FGF12: variants seen among roughly 807,000 people sequenced by gnomAD.
FGF12 encodes fibroblast growth factor 12B.
In FGF12, 14 loss-of-function variants were observed where a neutral mutation model predicts 23.6. The observed-to-expected ratio is 0.59, with a 90% CI of 0.39 to 0.93. FGF12 has a LOEUF of 0.93. Among genes scored for constraint, FGF12 ranks in the 40% least tolerant of loss-of-function variants. FGF12 has a pLI of 0.00. For synonymous variants in FGF12, 62 were observed against 77.3 expected (o/e 0.80, Z 1.04); for missense variants, 175 against 217.8 (o/e 0.80, Z 1.24).
intron 2 of FGF12, among the ~76,000 whole-genome samples, chr3:192,390,627 T>C (rs1342882727): frequency 1.3e-5 from 2 of 151,090 alleles, no homozygotes; most frequent in African/African-American, 5.0e-5. Context: ...AGCTATGTGA[T>C]GACCATGACC....
At chr3:192,635,114 C>T (rs1715532148) in intron 2 of FGF12, among the ~76,000 whole-genome samples, 1 of 152,186 alleles carries the variant, frequency 6.6e-6, no homozygotes, top group Non-Finnish European at 1.5e-5. Context: ...CCCACCTCGG[C>T]CTCCCAAAGT....
At chr3:192,680,274 A>T (rs1397369282) in intron 2 of FGF12, among the ~76,000 whole-genome samples, 2 of 152,196 alleles carry the variant, frequency 1.3e-5, no homozygotes, top group African/African-American at 4.8e-5. Flanking sequence ...TGATTAGAAG[A>T]TTAATGCCAT....
At position 192,549,048 on chromosome 3, in the gene FGF12, A is replaced by C. The variant is rs535415469; in HGVS notation, c.13+178133T>G. On this transcript the variant is annotated intron_variant, in intron 2 of 5. Transcript: ENST00000445105. ...TAATAGGCATTAAAGTGGATGTAAT[A>C]GTTTATGCTTCCTAAACCATACCAG... 1.3e-5 allele frequency among the ~76,000 whole-genome samples: 2 copies of C among 152,340 alleles called. 1 individual carries two copies. The highest frequency in any genetic ancestry group is 3.9e-4 in the East Asian group (2 of 5,182).
intron 2 of FGF12, among the ~76,000 whole-genome samples, chr3:192,397,643 T>A (rs1720580790): frequency 6.6e-6 from 1 of 152,230 alleles, no homozygotes; most frequent in Non-Finnish European, 1.5e-5. Flanking sequence ...CAGATATGAA[T>A]GAACCTTTTC....
intron 2 of FGF12, among the ~76,000 whole-genome samples, chr3:192,580,010 G>C (rs1041088152): frequency 6.6e-6 from 1 of 152,162 alleles, no homozygotes; most frequent in Non-Finnish European, 1.5e-5. Flanking sequence ...AGAGAGAAAT[G>C]GTGATGACAG....
At chr3:192,242,687 A>G (rs1057310331) in intron 4 of FGF12, among the ~76,000 whole-genome samples, 1 of 152,116 alleles carries the variant, frequency 6.6e-6, no homozygotes, top group African/African-American at 2.4e-5. Flanking sequence ...CAAAGGAGGA[A>G]ACTTGCCAAA....
chr3:192,582,588 C>T (rs960080997), intron 2 of FGF12, among the ~76,000 whole-genome samples: 1 of 151,758 alleles, frequency 6.6e-6, no homozygotes, highest in African/African-American at 2.4e-5. Flanking sequence ...GGGTCAGGAG[C>T]TAAACTGACT....
chr3:192,408,104 C>A lies in FGF12; in HGVS notation c.14-47566G>T. ...ACACCCCGAGGACGTGCCTCTCGCA[C>A]AGGGAGCGCCCGTCTTTGCTGGGGC... On this transcript the variant is annotated intron_variant, in intron 2 of 5. Coordinates refer to ENST00000445105, the MANE Select transcript of FGF12 (RefSeq NM_004113.6). This position sits in a 1 kb window ranked among gnomAD's most constrained non-coding sequence, Gnocchi z 7.3. 1 of 1,613,212 alleles carries A rather than the reference C, an allele frequency of 6.2e-7. No individual in the cohort carries two copies. Among genetic ancestry groups the A allele is most frequent in the African/African-American group, 1.3e-5 (1 of 75,072 alleles).
intron 5 of FGF12, among the ~76,000 whole-genome samples, chr3:192,167,775 T>TATAA (rs1715306399): frequency 3.7e-5 from 1 of 26,752 alleles, no homozygotes; most frequent in Non-Finnish European, 1.1e-4. Flanking sequence ...ATATAAAATT[T>TATAA]TTTTTTTTTT....
At chr3:192,204,141 G>C (rs78470148) in intron 4 of FGF12, among the ~76,000 whole-genome samples, 10,931 of 152,098 alleles carry the variant, frequency 0.072, 553 homozygotes, top group South Asian at 0.19. Flanking sequence ...CAAAAACTGA[G>C]TTGGAAAAAA....
At chr3:192,175,778 C>G (rs1416799389) in intron 4 of FGF12, among the ~76,000 whole-genome samples, 1 of 152,152 alleles carries the variant, frequency 6.6e-6, no homozygotes, top group Non-Finnish European at 1.5e-5. Flanking sequence ...CTCAGGACCC[C>G]TTCTAGTCTC....
chr3:192,182,175 T>C (rs1716215562), intron 4 of FGF12, among the ~76,000 whole-genome samples: 1 of 152,122 alleles, frequency 6.6e-6, no homozygotes, highest in Admixed American at 6.5e-5. Context: ...TCTTGAAGCT[T>C]ACACAAGCTG....
intron 2 of FGF12, among the ~76,000 whole-genome samples, chr3:192,521,758 G>A (rs1213016466): frequency 1.3e-5 from 2 of 152,080 alleles, no homozygotes; most frequent in Non-Finnish European, 2.9e-5. Flanking sequence ...ACAGCACACT[G>A]CAATTCCTCT....
intron 2 of FGF12, among the ~76,000 whole-genome samples, chr3:192,603,420 C>G (rs576698022): frequency 1.3e-5 from 2 of 152,242 alleles, no homozygotes; most frequent in East Asian, 3.9e-4. Flanking sequence ...ATCAAGTACA[C>G]AATTCCATTT....
intron 2 of FGF12, among the ~76,000 whole-genome samples, chr3:192,465,505 A>G (rs58319857): frequency 2.6e-5 from 4 of 151,904 alleles, no homozygotes; most frequent in African/African-American, 9.7e-5. Context: ...TGCTGTCTCT[A>G]GAGTGTCTGT....
intron 4 of FGF12, among the ~76,000 whole-genome samples, chr3:192,255,422 A>T (rs770788301): frequency 5.3e-5 from 8 of 152,024 alleles, no homozygotes; most frequent in Non-Finnish European, 7.4e-5. Context: ...TATTAAGTGC[A>T]TCCTGAGTAA....
Position 192,555,900 on chromosome 3 carries a change from A to T in FGF12, c.13+171281T>A, listed in dbSNP as rs1308270697. 2.6e-5 allele frequency among the ~76,000 whole-genome samples: 4 copies of T among 152,156 alleles called. No homozygotes were observed. The East Asian group carries it at 7.7e-4, about 29-fold the overall frequency. ...ACTGATACCATGGGGAGGAGACGTA[A>T]AGGGCAGTTTTTGTGTACAATTGAA... On this transcript the variant is annotated intron_variant, in intron 2 of 5. Coordinates refer to ENST00000445105, the MANE Select transcript of FGF12 (RefSeq NM_004113.6).
At chr3:192,327,568 A>T (rs1410126949) in intron 4 of FGF12, among the ~76,000 whole-genome samples, 1 of 151,726 alleles carries the variant, frequency 6.6e-6, no homozygotes, top group Non-Finnish European at 1.5e-5. Flanking sequence ...TGAAAAAAAT[A>T]AACCTTTTAA....
chr3:192,300,901 C>T lies in FGF12; in HGVS notation c.228+34460G>A, dbSNP rs1328571641. ...GGTGTGGTGGCACATACCTGTTACC[C>T]CAGCTACTTGGGAGGCTGAGGCATG... On this transcript the variant is annotated intron_variant, in intron 4 of 5. Transcript: ENST00000445105. Among the ~76,000 whole-genome samples, 4 of 152,142 alleles carry T rather than the reference C, an allele frequency of 2.6e-5. No homozygotes were observed. In the East Asian group the frequency reaches 7.7e-4, roughly 29 times the overall value.
Sources: gnomAD v4.1 joint callset for allele counts (sites outside exome capture counted in the v4.1 genomes callset) on GRCh38, gnomAD v4.1.1 for gene constraint, Gnocchi (gnomAD v3.1) non-coding constraint, MANE v1.5 for transcripts, NCBI Gene and HGNC (gene_info 2026-07-23, HGNC 2026-07-21) for gene names.